The following UBE3D variants were observed in gnomAD, a reference collection of about 807,000 sequenced individuals.
UBE3D encodes E3 ubiquitin-protein ligase E3D.
In UBE3D, 48 loss-of-function variants were observed where a neutral mutation model predicts 49.6. That is an observed-to-expected ratio of 0.97 (90% CI 0.77 to 1.23). UBE3D has a LOEUF of 1.23. Ranked by LOEUF, UBE3D falls within the 50% of genes most tolerant of loss-of-function variation. The pLI is 0.00. For missense variants in UBE3D, 452 were observed against 468.4 expected (o/e 0.96, Z 0.32); for synonymous variants, 189 against 174.2 (o/e 1.08, Z -0.67).
At chr6:82,886,760 A>G in the UBE3D span, among the ~76,000 whole-genome samples, 1 of 152,208 alleles carries the variant, frequency 6.6e-6, no homozygotes, top group Non-Finnish European at 1.5e-5. Context: ...TTTTCTCATG[A>G]TATCAACAAT....
chr6:83,031,083 C>G (rs1376066774), intron 5 of UBE3D, among the ~76,000 whole-genome samples: 4 of 152,028 alleles, frequency 2.6e-5, no homozygotes, highest in Admixed American at 2.0e-4. Context: ...TATCAGCTCA[C>G]TGCAACCTCT....
chr6:82,951,835 A>G (rs915507838), intron 9 of UBE3D, among the ~76,000 whole-genome samples: 1 of 151,560 alleles, frequency 6.6e-6, no homozygotes, highest in Admixed American at 6.7e-5. Flanking sequence ...GTCTCAAAAG[A>G]AAGAGATGGT....
chr6:82,930,831 C>T (rs1191452223), intron 9 of UBE3D, among the ~76,000 whole-genome samples: 4 of 152,140 alleles, frequency 2.6e-5, no homozygotes, highest in Non-Finnish European at 5.9e-5. Context: ...AAAAGAAAAA[C>T]TCATTTTCTG....
At chr6:82,951,523 T>C (rs902624409) in intron 9 of UBE3D, among the ~76,000 whole-genome samples, 1 of 152,172 alleles carries the variant, frequency 6.6e-6, no homozygotes, top group African/African-American at 2.4e-5. Context: ...GGAAGACTCT[T>C]CTGGAGCATT....
Position 82,981,845 on chromosome 6 carries a change from A to G in UBE3D, c.1011-24395T>C, listed in dbSNP as rs76463563. ...TTATTCTCATTTTTCAAAGGGCACA[A>G]AGTAGTAATGTATATACATCTAGTT... On this transcript the variant is annotated intron_variant, in intron 8 of 9. Coordinates refer to ENST00000369747, the MANE Select transcript of UBE3D (RefSeq NM_198920.3). Among the ~76,000 whole-genome samples the G allele has an allele frequency of 1.6e-3, 248 of 152,252 alleles. 2 individuals carry two copies. Among genetic ancestry groups the G allele is most frequent in the African/African-American group, 5.0e-3 (206 of 41,558 alleles).
rs1024478591 is a variant in UBE3D at position 83,046,426 on chromosome 6, C to A, written c.366-1767G>T. Among the ~76,000 whole-genome samples, 18 of 152,146 alleles carry A rather than the reference C, an allele frequency of 1.2e-4. No homozygotes were observed. The East Asian group carries it at 3.1e-3, about 26-fold the overall frequency. ...ACTTTTCCTTTGAAATTAGTATATG[C>A]TGCACCATTGGTATCATCAAAGTGC... On this transcript the variant is annotated intron_variant, in intron 3 of 9. Transcript: ENST00000369747.
At chr6:82,913,506 T>C (rs1258673565) in intron 9 of UBE3D, among the ~76,000 whole-genome samples, 1 of 152,228 alleles carries the variant, frequency 6.6e-6, no homozygotes, top group Non-Finnish European at 1.5e-5. Flanking sequence ...GACCCACTTA[T>C]TCATTATCTC....
At chr6:82,895,592 G>A (rs780158396) in intron 9 of UBE3D, among the ~76,000 whole-genome samples, 6 of 152,144 alleles carry the variant, frequency 3.9e-5, no homozygotes, top group Non-Finnish European at 8.8e-5. Flanking sequence ...CATGAAATTT[G>A]TAAAACACTT....
chr6:83,063,996 TAGG>T (rs1784339797), intron 1 of UBE3D, among the ~76,000 whole-genome samples: 1 of 151,912 alleles, frequency 6.6e-6, no homozygotes, highest in Admixed American at 6.6e-5. Flanking sequence ...CATCCAGCAA[TAGG>T]AGAACAGATA....
intron 8 of UBE3D, among the ~76,000 whole-genome samples, chr6:82,963,680 C>T (rs1776712049): frequency 6.6e-6 from 1 of 152,102 alleles, no homozygotes; most frequent in Non-Finnish European, 1.5e-5. Context: ...ATGATGACCA[C>T]CCAGATTAAG....
intron 5 of UBE3D, 95 bp downstream of exon 5, chr6:83,038,321 A>C (rs1782414081): frequency 1.0e-6 from 1 of 993,320 alleles, no homozygotes; most frequent in Non-Finnish European, 1.5e-6. Context: ...AACATATATT[A>C]ATCATCTATC....
At chr6:83,044,357 A>G in intron 4 of UBE3D, 71 bp downstream of exon 4, 3 of 1,440,362 alleles carry the variant, frequency 2.1e-6, no homozygotes, top group Non-Finnish European at 9.6e-7. Flanking sequence ...GCCCTTAATT[A>G]GGAAAAGATT....
chr6:83,029,342 C>T (rs1440278755), intron 5 of UBE3D, among the ~76,000 whole-genome samples: 1 of 151,978 alleles, frequency 6.6e-6, no homozygotes, highest in Non-Finnish European at 1.5e-5. Context: ...TCTGTAAGTT[C>T]AATAATTTTT....
At chr6:82,988,212 G>A (rs970996276) in intron 8 of UBE3D, among the ~76,000 whole-genome samples, 1 of 152,060 alleles carries the variant, frequency 6.6e-6, no homozygotes, top group Non-Finnish European at 1.5e-5. Context: ...AAAAGAGAAC[G>A]AACTTAGAGG....
chr6:82,961,896 A>C (rs1307434408), intron 8 of UBE3D, among the ~76,000 whole-genome samples: 1 of 151,776 alleles, frequency 6.6e-6, no homozygotes, highest in Non-Finnish European at 1.5e-5. Flanking sequence ...CAGGAGGCAG[A>C]GGGTGTGGTG....
intron 8 of UBE3D, among the ~76,000 whole-genome samples, chr6:83,016,403 G>A (rs749650066): frequency 4.5e-4 from 68 of 152,190 alleles, no homozygotes; most frequent in Admixed American, 3.9e-3. Flanking sequence ...TTCATGCCAA[G>A]GACTATCAGC....
At chr6:82,960,208 T>A (rs1366294469) in intron 8 of UBE3D, among the ~76,000 whole-genome samples, 2 of 152,218 alleles carry the variant, frequency 1.3e-5, no homozygotes, top group East Asian at 3.9e-4. Flanking sequence ...CATTTAAGTG[T>A]CTTTTCTGTG....
At chr6:82,893,109 C>A in intron 9 of UBE3D, 67 bp from the exon 10 acceptor site, 1 of 1,578,604 alleles carries the variant, frequency 6.3e-7, no homozygotes, top group South Asian at 1.1e-5. Context: ...GCATGTACAT[C>A]AAATCAGAAT....
rs547987395 is a variant in UBE3D, at chr6:82,940,864, A to AAT, written c.1149+16446_1149+16447dup. Among the ~76,000 whole-genome samples, 303 of 152,190 alleles carry AAT rather than the reference A, an allele frequency of 2.0e-3. 2 individuals are homozygous for AAT. The highest frequency in any genetic ancestry group is 6.4e-3 in the African/African-American group (265 of 41,502). ...TCTTCAATGAGCCCAATTTTATATTAATATATATATTTGTGTGTGCGTGTA... is the reference window on the plus strand; with the variant it reads ...TCTTCAATGAGCCCAATTTTATATTAATATATATATATTTGTGTGTGCGTGTA... On this transcript the variant is annotated intron_variant, in intron 9 of 9. Coordinates refer to ENST00000369747, the MANE Select transcript of UBE3D (RefSeq NM_198920.3).
Sources: gnomAD v4.1 joint callset for allele counts (sites outside exome capture counted in the v4.1 genomes callset) on GRCh38, gnomAD v4.1.1 for gene constraint, MANE v1.5 for transcripts, NCBI Gene and HGNC (gene_info 2026-07-23, HGNC 2026-07-21) for gene names.